WDFY3: variants seen among roughly 807,000 people sequenced by gnomAD.
WDFY3 encodes the protein WD repeat and FYVE domain containing 3, also known as WD repeat and FYVE domain-containing protein 3.
Under a neutral mutation model 409.6 loss-of-function variants are expected in WDFY3, and 66 were observed. The ratio of observed to expected loss-of-function variants is 0.16; its 90% confidence interval spans 0.13 to 0.20. WDFY3 has a LOEUF of 0.20. WDFY3 is among the 10% of genes least tolerant of loss of function. The pLI is 1.00. For synonymous variants in WDFY3, 1,521 were observed against 1,537.1 expected (o/e 0.99, Z 0.25); for missense variants, 3,031 against 4,298.1 (o/e 0.71, Z 8.24).
chr4:84,696,129 G>T lies in WDFY3; in HGVS notation c.8742C>A (p.Ile2914=). 1 of 1,614,056 alleles carries T rather than the reference G, an allele frequency of 6.2e-7. No individual in the cohort carries two copies. Among genetic ancestry groups the T allele is most frequent in the Non-Finnish European group, 8.5e-7 (1 of 1,180,008 alleles). ...CAGGGCCTTGCTGTTTATAACCGAAGATTAAGTCAATCCACTCATGTAGAT... is the reference window on the plus strand; with the variant it reads ...CAGGGCCTTGCTGTTTATAACCGAATATTAAGTCAATCCACTCATGTAGAT... The part of the protein sequence containing the change: ...SAHLHEWIDL[I]FGYKQQGPAA... Residue 2914 remains isoleucine, a synonymous_variant, in exon 58 of 68, where the codon ATC becomes ATA. Transcript: ENST00000295888.
At chr4:84,898,367 C>T (rs1765911332) in intron 2 of WDFY3, among the ~76,000 whole-genome samples, 1 of 152,184 alleles carries the variant, frequency 6.6e-6, no homozygotes, top group Non-Finnish European at 1.5e-5. Flanking sequence ...TGTTCAATTG[C>T]CACACCAGTG....
chr4:84,922,026 A>G lies in WDFY3; in HGVS notation c.-132+10244T>C, dbSNP rs573967001. The stretch of plus-strand genomic sequence containing the variant: ...TATAACTATACATTTATTGTATATA[A>G]AAATATACACATATATAGCATATAT... On this transcript the variant is annotated intron_variant, in intron 2 of 67. Transcript: ENST00000295888. Among the ~76,000 whole-genome samples, 8 of 151,988 alleles carry G rather than the reference A, an allele frequency of 5.3e-5. No homozygotes were observed. The South Asian group carries it at 8.3e-4, about 16-fold the overall frequency.
chr4:84,802,928 T>G (rs1188551446), intron 16 of WDFY3, among the ~76,000 whole-genome samples: 4 of 152,154 alleles, frequency 2.6e-5, no homozygotes, highest in Non-Finnish European at 1.5e-5. Flanking sequence ...AACTCTTGAG[T>G]GCAACAAGTC....
chr4:84,728,039 T>TA (rs1232589965), intron 44 of WDFY3, among the ~76,000 whole-genome samples: 1 of 150,068 alleles, frequency 6.7e-6, no homozygotes, highest in Non-Finnish European at 1.5e-5. Context: ...AATCCAACAT[T>TA]AAAAAAAGAA....
intron 46 of WDFY3, among the ~76,000 whole-genome samples, chr4:84,723,719 C>T (rs1032906509): frequency 6.6e-6 from 1 of 152,024 alleles, no homozygotes; most frequent in Non-Finnish European, 1.5e-5. Context: ...CAGACATGAG[C>T]GAAGTATTAT....
In WDFY3 at chr4:84,842,160, T is replaced by C. The variant is rs563364414; in HGVS notation, c.305-897A>G. Among the ~76,000 whole-genome samples, 9 of 152,236 alleles carry C rather than the reference T, an allele frequency of 5.9e-5. No homozygotes were observed. The South Asian group carries it at 1.9e-3, about 32-fold the overall frequency. ...TGCCAATTTTTACAGTAACATATGA[T>C]AGGAGTTAAAATTGTCAGAAAAGAA... On this transcript the variant is annotated intron_variant, in intron 5 of 67. Coordinates refer to ENST00000295888, the MANE Select transcript of WDFY3 (RefSeq NM_014991.6).
chr4:84,682,482 T>G lies in WDFY3; in HGVS notation c.9727-12A>C. Reference sequence around the variant, plus strand: ...TCCATTCTCCAAAACTAAATTTAAATAAGTACAAAAATTAAAAAGTTAAGA... The same window carrying G: ...TCCATTCTCCAAAACTAAATTTAAAGAAGTACAAAAATTAAAAAGTTAAGA... On this transcript the variant is annotated splice_polypyrimidine_tract_variant and intron_variant, in intron 63 of 67. Transcript: ENST00000295888. The G allele has an allele frequency of 6.2e-7, 1 of 1,607,676 alleles. No individual in the cohort carries two copies. The highest frequency in any genetic ancestry group is 2.2e-5 in the East Asian group (1 of 44,832).
At chr4:84,726,272 G>A (rs185749002) in intron 45 of WDFY3, among the ~76,000 whole-genome samples, 7 of 152,018 alleles carry the variant, frequency 4.6e-5, no homozygotes, top group Admixed American at 3.3e-4. Context: ...TAAATATTTT[G>A]ATGTACATTT....
chr4:84,687,385 C>T (rs942652357), intron 62 of WDFY3, among the ~76,000 whole-genome samples: 3 of 152,202 alleles, frequency 2.0e-5, no homozygotes, highest in African/African-American at 4.8e-5. Context: ...TCAAATGATC[C>T]GCCTGCACTG....
intron 15 of WDFY3, among the ~76,000 whole-genome samples, chr4:84,806,936 T>C (rs999935158): frequency 1.3e-5 from 2 of 152,190 alleles, no homozygotes; most frequent in Non-Finnish European, 2.9e-5. Flanking sequence ...AGTATCCTTT[T>C]AATCTGTGTA....
chr4:84,725,808 T>C (rs1735563852), intron 45 of WDFY3, among the ~76,000 whole-genome samples: 2 of 152,138 alleles, frequency 1.3e-5, no homozygotes, highest in Non-Finnish European at 2.9e-5. Context: ...CAAGTGTCCT[T>C]TGGGTGAGAC....
chr4:84,702,312 C>T, intron 56 of WDFY3, 41 bp downstream of exon 56: 1 of 1,513,780 alleles, frequency 6.6e-7, no homozygotes, highest in Non-Finnish European at 8.8e-7. Flanking sequence ...TTGGACTTTT[C>T]CTGGCTAACA....
intron 32 of WDFY3, among the ~76,000 whole-genome samples, 176 bp downstream of exon 32, chr4:84,765,634 G>C (rs1347459430): frequency 6.6e-6 from 1 of 152,086 alleles, no homozygotes; most frequent in African/African-American, 2.4e-5. Flanking sequence ...TCTTCAGTTT[G>C]ATTTGCCATT....
chr4:84,684,448 G>A (rs1223294627), intron 62 of WDFY3, among the ~76,000 whole-genome samples: 1 of 152,198 alleles, frequency 6.6e-6, no homozygotes, highest in Non-Finnish European at 1.5e-5. Flanking sequence ...CTGAGGAGAT[G>A]AAGAACTACT....
At chr4:84,819,005 T>C (rs1753702905) in intron 12 of WDFY3, among the ~76,000 whole-genome samples, 1 of 152,152 alleles carries the variant, frequency 6.6e-6, no homozygotes, top group Non-Finnish European at 1.5e-5. Context: ...TAAACCTAGT[T>C]AGTGGAAATA....
At chr4:84,801,987 G>C in intron 16 of WDFY3, 123 bp from the exon 17 acceptor site, 1 of 940,974 alleles carries the variant, frequency 1.1e-6, no homozygotes. Flanking sequence ...CGCTCTTGTT[G>C]TCCAGGCTGG....
intron 55 of WDFY3, 75 bp from the exon 56 acceptor site, chr4:84,702,581 GA>G: frequency 7.6e-7 from 1 of 1,321,790 alleles, no homozygotes; most frequent in Non-Finnish European, 1.0e-6. Flanking sequence ...TCAAGAGCTT[GA>G]AAACTCCAAC....
Position 84,718,419 on chromosome 4 carries a change from T to C in WDFY3, c.7754+3A>G. 6.2e-7 allele frequency: 1 copy of C among 1,611,634 alleles called. No individual in the cohort carries two copies. Among genetic ancestry groups the C allele is most frequent in the Non-Finnish European group, 8.5e-7 (1 of 1,179,018 alleles). On this transcript the variant is annotated splice_donor_region_variant and intron_variant, in intron 48 of 67. Coordinates refer to ENST00000295888, the MANE Select transcript of WDFY3 (RefSeq NM_014991.6). ...CATTATGTCTCTTCATTCATTTACT[T>C]ACTTTGGAGGTAAGGTTTCAATATC...
intron 47 of WDFY3, 83 bp downstream of exon 47, chr4:84,721,326 C>T: frequency 6.5e-7 from 1 of 1,539,962 alleles, no homozygotes; most frequent in Non-Finnish European, 8.7e-7. Flanking sequence ...CATTTACTTT[C>T]CACAGCTACC....
Sources: gnomAD v4.1 joint callset for allele counts (sites outside exome capture counted in the v4.1 genomes callset) on GRCh38, gnomAD v4.1.1 for gene constraint, MANE v1.5 for transcripts, NCBI Gene and HGNC (gene_info 2026-07-23, HGNC 2026-07-21) for gene names.